Variants in MRE11 observed in about 807,000 individuals in gnomAD.
The protein encoded by MRE11 is double-strand break repair protein MRE11.
A neutral mutation model predicts 91.7 loss-of-function variants in MRE11; 62 were observed. The observed-to-expected ratio is 0.68, with a 90% CI of 0.55 to 0.84. The LOEUF (loss-of-function observed/expected upper bound fraction) is 0.84. MRE11 is among the 40% of genes least tolerant of loss of function. The pLI, the probability that MRE11 is intolerant of heterozygous loss-of-function variation, is 0.00. For synonymous variants in MRE11, 273 were observed against 271.4 expected, an observed-to-expected ratio of 1.01 and a Z score of -0.06; for missense variants, 796 against 852.9, an observed-to-expected ratio of 0.93 and a Z score of 0.83.
chr11:94,428,131 A>T (rs1469979433), intron 19 of MRE11, among the ~76,000 whole-genome samples: 4 of 152,214 alleles, frequency 2.6e-5, no homozygotes, highest in African/African-American at 7.2e-5. Flanking sequence ...ACACTACCCA[A>T]CTTTGAACTA....
At chr11:94,436,020 C>T (rs1470164940) in intron 17 of MRE11, 121 bp from the exon 18 acceptor site, 2 of 886,576 alleles carry the variant, frequency 2.3e-6, no homozygotes, top group Non-Finnish European at 3.7e-6. Flanking sequence ...AAAAAGGAGA[C>T]AGAAAGCCAT....
chr11:94,428,136 G>C (rs531156908), intron 19 of MRE11, among the ~76,000 whole-genome samples: 1 of 152,168 alleles, frequency 6.6e-6, no homozygotes, highest in South Asian at 2.1e-4. Flanking sequence ...ACCCAACTTT[G>C]AACTATATTA....
At chr11:94,493,887 T>A (rs1215577789), upstream of MRE11, 1 of 152,140 alleles carries the variant, frequency 6.6e-6, no homozygotes, top group African/African-American at 2.4e-5. Context: ...ATGCTTCAAG[T>A]CCAGTTCGGC....
the MRE11 span, among the ~76,000 whole-genome samples, chr11:94,500,503 G>A: frequency 8.5e-5 from 13 of 152,216 alleles, no homozygotes; most frequent in East Asian, 3.9e-4. Flanking sequence ...AGTTTAGGCC[G>A]GCTAAATAGC....
In MRE11 at chr11:94,492,811, C is replaced by T; in HGVS notation, c.-10G>A. The T allele has an allele frequency of 1.2e-6, 2 of 1,613,422 alleles. No individual in the cohort carries two copies. The highest frequency in any genetic ancestry group is 1.7e-6 in the Non-Finnish European group (2 of 1,179,778). On this transcript the variant is annotated 5_prime_UTR_variant, in exon 2 of 20. Transcript: ENST00000323929. Reference sequence around the variant, plus strand: ...CATCTGCAGTACTCATTTTTATGGTCAGTCAAGCTCCTCTGGGACCAGGTT... The same window carrying T: ...CATCTGCAGTACTCATTTTTATGGTTAGTCAAGCTCCTCTGGGACCAGGTT...
chr11:94,450,739 C>G (rs917819090), intron 14 of MRE11, among the ~76,000 whole-genome samples: 1 of 151,968 alleles, frequency 6.6e-6, no homozygotes, highest in African/African-American at 2.4e-5. Context: ...CTATAGCCTG[C>G]TAAGAATAAA....
chr11:94,459,549 C>T lies in MRE11; in HGVS notation c.1359G>A (p.Gly453=). 6.2e-7 allele frequency: 1 copy of T among 1,614,056 alleles called. No individual in the cohort carries two copies. ...NVQLSLLTER[G]MGEAVQEFVD... ...CAAATTCTTGTACTGCTTCACCCAT[C>T]CCTCTTTCTGTTAGCAGTGAGAGCT... The change falls in exon 13 of 20, where the codon GGG becomes GGA. Residue 453 remains glycine, a synonymous_variant. Coordinates refer to ENST00000323929, the MANE Select transcript of MRE11 (RefSeq NM_005591.4).
chr11:94,418,212 G>T lies in MRE11; in HGVS notation c.*1913C>A, dbSNP rs1201739091. ...TGTAACAATATTCAATCAAAAAAAG[G>T]TTTCCCTGTCACGTTTTATTTACCA... On this transcript the variant is annotated 3_prime_UTR_variant, in exon 20 of 20. Coordinates refer to ENST00000323929, the MANE Select transcript of MRE11 (RefSeq NM_005591.4). 4 of 232,836 alleles carry T rather than the reference G, an allele frequency of 1.7e-5. No individual in the cohort carries two copies. The highest frequency in any genetic ancestry group is 8.8e-5 in the African/African-American group (4 of 45,276). 14.4% of individuals were successfully genotyped at this position (232,836 alleles called of 1,614,324 possible).
intron 4 of MRE11, among the ~76,000 whole-genome samples, chr11:94,481,250 A>C (rs765920991): frequency 6.6e-6 from 1 of 152,200 alleles, no homozygotes; most frequent in Non-Finnish European, 1.5e-5. Flanking sequence ...CAGAGGTTGC[A>C]GTAAGCCGAG....
At chr11:94,436,701 G>A (rs989532077) in intron 17 of MRE11, among the ~76,000 whole-genome samples, 3 of 152,168 alleles carry the variant, frequency 2.0e-5, no homozygotes, top group Admixed American at 6.5e-5. Context: ...TCTTGGAATC[G>A]AAAGGAAGAG....
Position 94,471,719 on chromosome 11 carries a change from A to T in MRE11, c.700T>A (p.Leu234Met), listed in dbSNP as rs757700640. 1 of 1,612,504 alleles carries T rather than the reference A, an allele frequency of 6.2e-7. No individual in the cohort carries two copies. Residue 234 changes from leucine (L) to methionine (M), a missense_variant, in exon 8 of 20, where the codon TTG becomes ATG. Leu to Met is a conservative substitution (Grantham distance 15). Transcript: ENST00000323929. The stretch of plus-strand genomic sequence containing the variant: ...ATAACAAGATCAATGAAGTCATCCA[A>T]AAATTGTTCTGGAATGAAGTTAGTA... ...GSTNFIPEQF[L>M]DDFIDLVIWG...
At chr11:94,472,997 A>G (rs1055412524) in intron 7 of MRE11, 2 of 152,102 alleles carry the variant, frequency 1.3e-5, no homozygotes, top group Non-Finnish European at 2.9e-5. Flanking sequence ...TCCTCTCTAC[A>G]TACACAGGGT....
At chr11:94,510,670 A>G in the MRE11 span, among the ~76,000 whole-genome samples, 2 of 152,232 alleles carry the variant, frequency 1.3e-5, no homozygotes, top group Admixed American at 6.5e-5. Flanking sequence ...GTGAGTTGCC[A>G]TAATTCACCT....
chr11:94,436,166 G>C (rs563482015), intron 17 of MRE11, among the ~76,000 whole-genome samples: 2 of 152,124 alleles, frequency 1.3e-5, no homozygotes, highest in African/African-American at 4.8e-5. Context: ...ACTGGTGAAT[G>C]ACTTGCATAG....
At chr11:94,508,573 T>C in the MRE11 span, among the ~76,000 whole-genome samples, 118 of 152,322 alleles carry the variant, frequency 7.7e-4, no homozygotes, top group Non-Finnish European at 1.3e-3. Context: ...TTTTATCATT[T>C]ATCTGGTGAT....
chr11:94,472,483 C>T (rs1470683360), intron 7 of MRE11, among the ~76,000 whole-genome samples: 1 of 152,102 alleles, frequency 6.6e-6, no homozygotes, highest in Non-Finnish European at 1.5e-5. Context: ...ACACTGTCTA[C>T]TTTATGTCAG....
chr11:94,473,284 T>A (rs1337377871), intron 7 of MRE11: 1 of 152,086 alleles, frequency 6.6e-6, no homozygotes, highest in Non-Finnish European at 1.5e-5. Flanking sequence ...AAAAGCAGAA[T>A]AATTCCCAAA....
In MRE11 at chr11:94,470,542, T is replaced by C. The variant is rs767684060; in HGVS notation, c.946A>G (p.Asn316Asp). ...QFFMEDIVLA[N>D]HPDIFNPDNP... is the part of the protein sequence containing the mutation. ...TCTGGGTTAAAAATGTCTGGATGAT[T>C]AGCTAGAACAATATCCTCCATGAAA... Residue 316 changes from asparagine to aspartate, a missense_variant, in exon 9 of 20, where the codon AAT becomes GAT. By Grantham distance (23) the Asn-to-Asp change is conservative (BLOSUM62 1). Coordinates refer to ENST00000323929, the MANE Select transcript of MRE11 (RefSeq NM_005591.4). 3.7e-6 allele frequency: 6 copies of C among 1,613,102 alleles called. No homozygotes were observed. In the East Asian group the frequency reaches 1.3e-4, roughly 36 times the overall value.
chr11:94,484,360 T>A (rs1416744841), intron 4 of MRE11, among the ~76,000 whole-genome samples: 1 of 152,216 alleles, frequency 6.6e-6, no homozygotes, highest in South Asian at 2.1e-4. Context: ...TTATAACTGT[T>A]GTAGGTAAGA....
Sources: gnomAD v4.1 joint callset for allele counts (sites outside exome capture counted in the v4.1 genomes callset) on GRCh38, gnomAD v4.1.1 for gene constraint, MANE v1.5 for transcripts, NCBI Gene and HGNC (gene_info 2026-07-23, HGNC 2026-07-21) for gene names.